BZW2: variants seen among roughly 807,000 people sequenced by gnomAD.
The protein encoded by BZW2 is basic leucine zipper and W2 domains 2.
A neutral mutation model predicts 53.2 loss-of-function variants in BZW2; 23 were observed. The observed-to-expected ratio is 0.43, with a 90% CI of 0.31 to 0.61. The LOEUF is 0.61. BZW2 is among the 20% of genes least tolerant of loss of function. The pLI is 0.09. For missense variants in BZW2, 409 were observed against 503.1 expected (o/e 0.81, Z 1.79); for synonymous variants, 227 against 186.4 (o/e 1.22, Z -1.77).
intron 2 of BZW2, among the ~76,000 whole-genome samples, chr7:16,668,756 T>A (rs1782509665): frequency 6.6e-6 from 1 of 152,258 alleles, no homozygotes; most frequent in African/African-American, 2.4e-5. Flanking sequence ...AATGTATTTC[T>A]TATTGCATTG....
At chr7:16,677,051 C>CTTTT (rs10660587) in intron 3 of BZW2, among the ~76,000 whole-genome samples, 9 of 130,070 alleles carry the variant, frequency 6.9e-5, no homozygotes, top group Non-Finnish European at 9.9e-5. Flanking sequence ...GCCCAGATTT[C>CTTTT]TTTTTTTTTT....
rs750520509 is a variant in BZW2, at chr7:16,674,518, A to G, written c.165A>G (p.Thr55=). 6.2e-7 allele frequency: 1 copy of G among 1,613,044 alleles called. No homozygotes were observed. Among genetic ancestry groups the G allele is most frequent in the Non-Finnish European group, 8.5e-7 (1 of 1,179,306 alleles). The part of the protein sequence containing the change: ...LEAVAKFLDS[T]GSRLDYRRYA... ...CTGTAGCCAAATTTCTGGACTCTAC[A>G]GGCTCAAGATTAGATTATCGTCGCT... The change falls in exon 3 of 12, where the codon ACA becomes ACG. Residue 55 remains threonine, a synonymous_variant. Transcript: ENST00000258761.
At chr7:16,655,448 T>C (rs1782100293) in intron 1 of BZW2, among the ~76,000 whole-genome samples, 1 of 152,218 alleles carries the variant, frequency 6.6e-6, no homozygotes, top group South Asian at 2.1e-4. Flanking sequence ...TCCATATACA[T>C]ATACATTGTG....
rs764548319 is a variant in BZW2 at position 16,698,198 on chromosome 7, C to G, written c.1108+12C>G. On this transcript the variant is annotated intron_variant, in intron 10 of 11. Coordinates refer to ENST00000258761, the MANE Select transcript of BZW2 (RefSeq NM_014038.3). The stretch of plus-strand genomic sequence containing the variant: ...TCTCTTTTATAAAGGTATCCATCCA[C>G]GTGCCACTGCTGTGCTTCTGTGTTT... 1 of 1,613,934 alleles carries G rather than the reference C, an allele frequency of 6.2e-7. No homozygotes were observed. Among genetic ancestry groups the G allele is most frequent in the Non-Finnish European group, 8.5e-7 (1 of 1,179,858 alleles).
intron 3 of BZW2, among the ~76,000 whole-genome samples, chr7:16,678,087 C>CTTTTTTTTTTTTTTT (rs71007780): frequency 4.5e-5 from 3 of 66,914 alleles, no homozygotes; most frequent in Admixed American, 1.9e-4. Context: ...TTCCATTGTT[C>CTTTTTTTTTTTTTTT]TTTTTTTTTT....
At chr7:16,676,601 T>C (rs1782773125) in intron 3 of BZW2, among the ~76,000 whole-genome samples, 1 of 152,252 alleles carries the variant, frequency 6.6e-6, no homozygotes, top group Admixed American at 6.5e-5. Flanking sequence ...AGCTACCTAA[T>C]TTCATCAGTT....
In BZW2 at chr7:16,704,680, G is replaced by A; in HGVS notation, c.1231+11G>A. Reference sequence around the variant, plus strand: ...AAAATGCAGAAGAAGGTATGATTCTGTTTACAAACATTGATGACCTTTAAA... The same window carrying A: ...AAAATGCAGAAGAAGGTATGATTCTATTTACAAACATTGATGACCTTTAAA... On this transcript the variant is annotated intron_variant, in intron 11 of 11. Coordinates refer to ENST00000258761, the MANE Select transcript of BZW2 (RefSeq NM_014038.3). 2 of 1,557,232 alleles carry A rather than the reference G, an allele frequency of 1.3e-6. No homozygotes were observed. Among genetic ancestry groups the A allele is most frequent in the Non-Finnish European group, 8.8e-7 (1 of 1,138,040 alleles).
intron 1 of BZW2, among the ~76,000 whole-genome samples, chr7:16,657,544 C>T (rs943086586): frequency 6.6e-6 from 1 of 152,182 alleles, no homozygotes; most frequent in African/African-American, 2.4e-5. Context: ...TGCCTATCCT[C>T]TGCCCTTCCA....
At chr7:16,670,086 CT>C (rs1312973136) in intron 2 of BZW2, among the ~76,000 whole-genome samples, 1 of 152,180 alleles carries the variant, frequency 6.6e-6, no homozygotes, top group Non-Finnish European at 1.5e-5. Flanking sequence ...TTGATGGTCA[CT>C]TTGTTTTAGC....
chr7:16,658,454 A>G (rs1782171032), intron 1 of BZW2, among the ~76,000 whole-genome samples: 1 of 152,198 alleles, frequency 6.6e-6, no homozygotes. Context: ...TTTAAGGTGT[A>G]AAGTAGTTTT....
intron 1 of BZW2, among the ~76,000 whole-genome samples, chr7:16,663,196 T>A (rs1343202004): frequency 6.6e-6 from 1 of 152,242 alleles, no homozygotes; most frequent in Non-Finnish European, 1.5e-5. Flanking sequence ...ATGATTTCGA[T>A]ATGTTGCTGT....
Position 16,665,491 on chromosome 7 carries a change from T to A in BZW2, c.48T>A (p.Thr16=), listed in dbSNP as rs905235662. The change falls in exon 2 of 12, where the codon ACT becomes ACA. Residue 16 remains threonine (T), a synonymous_variant. Coordinates refer to ENST00000258761, the MANE Select transcript of BZW2 (RefSeq NM_014038.3). ...TGCTAACAGGCCAGCGGTTCAAAAC[T>A]CGGAAAAGGGGTAGGTTGTGTGTGT... ...KPVLTGQRFK[T]RKRDEKEKFE... 2 of 1,613,262 alleles carry A rather than the reference T, an allele frequency of 1.2e-6. No homozygotes were observed. Among genetic ancestry groups the A allele is most frequent in the South Asian group, 1.1e-5 (1 of 91,068 alleles).
intron 1 of BZW2, among the ~76,000 whole-genome samples, chr7:16,652,173 AG>A (rs1385193808): frequency 1.8e-4 from 28 of 152,164 alleles, no homozygotes; most frequent in Non-Finnish European, 3.5e-4. Context: ...CCTTATCTGA[AG>A]GTTAGCTTAG....
intron 2 of BZW2, among the ~76,000 whole-genome samples, chr7:16,673,869 T>A (rs933941702): frequency 9.2e-5 from 14 of 152,130 alleles, no homozygotes; most frequent in Non-Finnish European, 1.6e-4. Flanking sequence ...ATCTATTAAA[T>A]ATTTAAGTAC....
In BZW2 at chr7:16,690,578, CT is replaced by C. The variant is rs1783270234; in HGVS notation, c.651+674del. On this transcript the variant is annotated intron_variant, in intron 7 of 11. Transcript: ENST00000258761. ...TTCATCAATCTCACTTAATCAAATA[CT>C]TGTGATGTCTGTCTTGAGTAGCAGT... Among the ~76,000 whole-genome samples the C allele has an allele frequency of 5.3e-5, 8 of 152,270 alleles. No individual in the cohort carries two copies. In the South Asian group the frequency reaches 1.7e-3, roughly 32 times the overall value.
At chr7:16,685,854 CTTT>C in intron 5 of BZW2, 48 bp from the exon 6 acceptor site, 1 of 1,419,772 alleles carries the variant, frequency 7.0e-7, no homozygotes, top group Non-Finnish European at 9.3e-7. Context: ...GACATGGTTC[CTTT>C]TTTTTTCTTT....
intron 7 of BZW2, among the ~76,000 whole-genome samples, chr7:16,691,797 G>A (rs1783316278): frequency 6.6e-6 from 1 of 152,124 alleles, no homozygotes; most frequent in Non-Finnish European, 1.5e-5. Context: ...CTATAGCCTG[G>A]TTAGCTTAAT....
intron 6 of BZW2, among the ~76,000 whole-genome samples, chr7:16,689,076 A>C (rs1327891364): frequency 1.3e-5 from 2 of 152,072 alleles, no homozygotes; most frequent in African/African-American, 2.4e-5. Context: ...AAATACAAAA[A>C]TTAGCTGGGT....
chr7:16,698,904 A>C (rs921168132), intron 10 of BZW2, among the ~76,000 whole-genome samples: 1 of 152,212 alleles, frequency 6.6e-6, no homozygotes, highest in Non-Finnish European at 1.5e-5. Flanking sequence ...ATTTTATGTT[A>C]TTATGTTCAT....
Sources: gnomAD v4.1 joint callset for allele counts (sites outside exome capture counted in the v4.1 genomes callset) on GRCh38, gnomAD v4.1.1 for gene constraint, MANE v1.5 for transcripts, NCBI Gene and HGNC (gene_info 2026-07-23, HGNC 2026-07-21) for gene names.